EPHB2: variants seen among roughly 807,000 people sequenced by gnomAD.
EPHB2 encodes EPH receptor B2, also known as ephrin type-B receptor 2.
Under a neutral mutation model 96.4 loss-of-function variants are expected in EPHB2, and 18 were observed. The observed-to-expected ratio is 0.19, with a 90% CI of 0.13 to 0.28. The LOEUF (loss-of-function observed/expected upper bound fraction) is 0.28. Among genes scored for constraint, EPHB2 ranks in the 10% least tolerant of loss-of-function variants. The pLI is 1.00. For synonymous variants in EPHB2, 506 were observed against 534.1 expected (o/e 0.95, Z 0.72); for missense variants, 989 against 1,355.4 (o/e 0.73, Z 4.25).
rs1005075111 is a variant in EPHB2, at chr1:22,846,887, G to A, written c.812-16150G>A. On this transcript the variant is annotated intron_variant, in intron 3 of 15. Coordinates refer to ENST00000374630, the MANE Select transcript of EPHB2 (RefSeq NM_017449.5). The surrounding 1 kb of genome is among the most constrained non-coding windows in gnomAD (Gnocchi z 4.3). ...CTTCCCCAGACATTGTTTGGAAACT[G>A]CTTACTGACCGGGGCATCTTCCCCA... Among the ~76,000 whole-genome samples the A allele has an allele frequency of 3.5e-4, 54 of 152,184 alleles. No individual in the cohort carries two copies. Among genetic ancestry groups the A allele is most frequent in the African/African-American group, 1.3e-3 (54 of 41,430 alleles).
intron 1 of EPHB2, among the ~76,000 whole-genome samples, chr1:22,717,966 A>C (rs1413118127): frequency 6.6e-6 from 1 of 152,158 alleles, no homozygotes; most frequent in Admixed American, 6.5e-5. Flanking sequence ...GGTTGTGAGC[A>C]ATGGATGTGT....
At chr1:22,856,336 T>C (rs1249245500) in intron 3 of EPHB2, among the ~76,000 whole-genome samples, 1 of 152,218 alleles carries the variant, frequency 6.6e-6, no homozygotes, top group Non-Finnish European at 1.5e-5. Context: ...TCTGTTTCCC[T>C]GTAATCCTCC....
chr1:22,812,149 A>G (rs1645012124), intron 3 of EPHB2, among the ~76,000 whole-genome samples: 2 of 152,246 alleles, frequency 1.3e-5, no homozygotes, highest in Admixed American at 1.3e-4. Flanking sequence ...GAGGCGCCAC[A>G]TCTACCTCTC....
At chr1:22,712,543 C>T (rs1643181438) in intron 1 of EPHB2, among the ~76,000 whole-genome samples, 1 of 152,072 alleles carries the variant, frequency 6.6e-6, no homozygotes, top group South Asian at 2.1e-4. Flanking sequence ...TTCAGTTTCT[C>T]TTTCGGTAAT....
At chr1:22,735,787 G>T (rs942280682) in intron 1 of EPHB2, among the ~76,000 whole-genome samples, 1 of 152,214 alleles carries the variant, frequency 6.6e-6, no homozygotes, top group African/African-American at 2.4e-5. Context: ...TTCCTATAGG[G>T]CACTTGGGAC....
intron 12 of EPHB2, 146 bp from the exon 13 acceptor site, chr1:22,908,876 G>T: frequency 7.7e-7 from 1 of 1,290,766 alleles, no homozygotes. Flanking sequence ...CAAATGCCCA[G>T]TGGTCTGAAG....
At chr1:22,737,197 C>T (rs910326629) in intron 1 of EPHB2, among the ~76,000 whole-genome samples, 10 of 152,320 alleles carry the variant, frequency 6.6e-5, no homozygotes, top group Middle Eastern at 6.8e-3. Context: ...ACAGCTACCA[C>T]CTGACCTCAA....
chr1:22,760,444 T>C (rs1644220250), intron 1 of EPHB2, among the ~76,000 whole-genome samples: 1 of 152,076 alleles, frequency 6.6e-6, no homozygotes, highest in Non-Finnish European at 1.5e-5. Context: ...CTTGATGACA[T>C]CTATTTTGGT....
At chr1:22,794,782 T>G (rs1413153700) in intron 3 of EPHB2, among the ~76,000 whole-genome samples, 2 of 152,268 alleles carry the variant, frequency 1.3e-5, no homozygotes, top group African/African-American at 4.8e-5. Context: ...GGCCCCAGAC[T>G]GGCTCATCTG....
At chr1:22,897,738 G>T (rs531368182) in intron 9 of EPHB2, among the ~76,000 whole-genome samples, 1 of 152,118 alleles carries the variant, frequency 6.6e-6, no homozygotes, top group African/African-American at 2.4e-5. Flanking sequence ...AGTGAGCAGA[G>T]ATCGTGCCAC....
chr1:22,788,577 C>G (rs1189481167), intron 3 of EPHB2, among the ~76,000 whole-genome samples: 1 of 152,196 alleles, frequency 6.6e-6, no homozygotes, highest in Non-Finnish European at 1.5e-5. Flanking sequence ...CTTTCTCGTC[C>G]TCTAGCTTAG....
intron 1 of EPHB2, among the ~76,000 whole-genome samples, chr1:22,777,856 C>T (rs981305952): frequency 6.6e-6 from 1 of 152,180 alleles, no homozygotes; most frequent in African/African-American, 2.4e-5. Flanking sequence ...AAAAGCACTG[C>T]ACACCATCTA....
intron 1 of EPHB2, among the ~76,000 whole-genome samples, chr1:22,736,394 C>A (rs953735342): frequency 1.3e-5 from 2 of 152,212 alleles, no homozygotes; most frequent in African/African-American, 4.8e-5. Flanking sequence ...CAACTTTCCT[C>A]CCAAATAATT....
chr1:22,804,313 A>C (rs1483523331), intron 3 of EPHB2, among the ~76,000 whole-genome samples: 1 of 152,040 alleles, frequency 6.6e-6, no homozygotes, highest in African/African-American at 2.4e-5. Context: ...CCAATCAATC[A>C]ATCAATCAAT....
intron 3 of EPHB2, among the ~76,000 whole-genome samples, chr1:22,818,014 T>C (rs1645098050): frequency 6.6e-6 from 1 of 152,184 alleles, no homozygotes; most frequent in South Asian, 2.1e-4. Flanking sequence ...GCCCGAGTGA[T>C]AGGAAATGTC....
At chr1:22,757,908 CTTTTTTTTTTTTTTTTT>C in intron 1 of EPHB2, among the ~76,000 whole-genome samples, 1 of 54,154 alleles carries the variant, frequency 1.8e-5, no homozygotes, top group South Asian at 1.0e-3. Flanking sequence ...GTAAGCTATG[CTTTTTTTTTTTTTTTTT>C]TTTTTTTTTT....
intron 1 of EPHB2, among the ~76,000 whole-genome samples, chr1:22,747,352 C>CT (rs1489919133): frequency 1.3e-5 from 2 of 152,224 alleles, no homozygotes. Flanking sequence ...AGTTATATTA[C>CT]TTAATCCTTG....
At chr1:22,826,963 C>A (rs1645233367) in intron 3 of EPHB2, among the ~76,000 whole-genome samples, 1 of 152,230 alleles carries the variant, frequency 6.6e-6, no homozygotes, top group Admixed American at 6.5e-5. Context: ...GTCCCCTCCC[C>A]CTGCCTTTGA....
At chr1:22,849,546 A>G (rs1337431965) in intron 3 of EPHB2, among the ~76,000 whole-genome samples, 1 of 152,234 alleles carries the variant, frequency 6.6e-6, no homozygotes, top group Non-Finnish European at 1.5e-5. Flanking sequence ...AACAAATTCT[A>G]ACTGTGGGAT....
Sources: gnomAD v4.1 joint callset for allele counts (sites outside exome capture counted in the v4.1 genomes callset) on GRCh38, gnomAD v4.1.1 for gene constraint, Gnocchi (gnomAD v3.1) non-coding constraint, MANE v1.5 for transcripts, NCBI Gene and HGNC (gene_info 2026-07-23, HGNC 2026-07-21) for gene names.